Variants in CACNA1D observed in about 807,000 individuals in gnomAD.
CACNA1D encodes the protein calcium voltage-gated channel subunit alpha1 D, also known as voltage-dependent L-type calcium channel subunit alpha-1D.
Under a neutral mutation model 257.1 loss-of-function variants are expected in CACNA1D, and 55 were observed. The ratio of observed to expected loss-of-function variants is 0.21; its 90% CI spans 0.17 to 0.27. The LOEUF (loss-of-function observed/expected upper bound fraction) is 0.27, where lower values mean the gene tolerates loss of function less well. Ranked by LOEUF, CACNA1D falls within the 10% of genes least tolerant of loss-of-function variation. CACNA1D has a pLI of 1.00. For missense variants in CACNA1D, 1,876 were observed against 2,784.0 expected, an observed-to-expected ratio of 0.67 and a Z score of 7.34; for synonymous variants, 980 against 1,014.9, an observed-to-expected ratio of 0.97 and a Z score of 0.65.
chr3:53,774,710 G>T lies in CACNA1D; in HGVS notation c.4202+32G>T. On this transcript the variant is annotated intron_variant, in intron 34 of 47. Transcript: ENST00000350061. This position sits in a 1 kb window ranked among gnomAD's most constrained non-coding sequence, Gnocchi z 4.3. ...GCAACTGGCTTGGGCGGTGCTCCTG[G>T]GCAGGGGGGTCCGCTAGGCGTGGGT... 2 of 1,320,064 alleles carry T rather than the reference G, an allele frequency of 1.5e-6. No homozygotes were observed. Among genetic ancestry groups the T allele is most frequent in the Non-Finnish European group, 1.1e-6 (1 of 911,598 alleles). 81.8% of individuals were successfully genotyped at this position (1,320,064 alleles called of 1,614,324 possible).
chr3:53,595,668 C>T (rs770808268), intron 3 of CACNA1D, among the ~76,000 whole-genome samples: 1 of 152,174 alleles, frequency 6.6e-6, no homozygotes, highest in African/African-American at 2.4e-5. Flanking sequence ...ACCCTGGTTT[C>T]TACTGACACC....
intron 3 of CACNA1D, among the ~76,000 whole-genome samples, chr3:53,572,625 C>T (rs1314622065): frequency 6.6e-6 from 1 of 152,124 alleles, no homozygotes; most frequent in Non-Finnish European, 1.5e-5. Flanking sequence ...GTCTCGAACT[C>T]ATAAGCTGAA....
At chr3:53,720,938 C>T (rs1196949393) in intron 11 of CACNA1D, among the ~76,000 whole-genome samples, 1 of 152,222 alleles carries the variant, frequency 6.6e-6, no homozygotes, top group African/African-American at 2.4e-5. Flanking sequence ...TATATGCCTA[C>T]ATACAAAGTT....
rs1303050391 is a variant in CACNA1D at position 53,803,423 on chromosome 3, G to A, written c.5436G>A (p.Arg1812=). The change falls in exon 44 of 48, where the codon AGG becomes AGA. Residue 1812 remains arginine (R), a splice_region_variant and synonymous_variant. Coordinates refer to ENST00000350061, the MANE Select transcript of CACNA1D (RefSeq NM_001128840.3). ...CTCAGATCCTCTCTCCCAACTGCAG[G>A]TCCGACTCAGGAGATGAACAGCTCC... The part of the protein sequence containing the change: ...KRTRYYETYI[R]SDSGDEQLPT... The A allele has an allele frequency of 5.0e-6, 8 of 1,614,094 alleles. No individual in the cohort carries two copies. The East Asian group carries it at 6.7e-5, about 13-fold the overall frequency.
intron 5 of CACNA1D, among the ~76,000 whole-genome samples, chr3:53,664,182 A>G (rs80207069): frequency 0.058 from 8,818 of 152,162 alleles, 844 homozygotes; most frequent in African/African-American, 0.2. Context: ...AGTCAGTCTC[A>G]ACCTCCCCCT....
At chr3:53,589,560 G>C (rs2093272521) in intron 3 of CACNA1D, among the ~76,000 whole-genome samples, 1 of 152,170 alleles carries the variant, frequency 6.6e-6, no homozygotes, top group Admixed American at 6.5e-5. Flanking sequence ...CCGCCACCCA[G>C]ATGTCCCCTG....
chr3:53,696,708 G>A (rs9841978), intron 8 of CACNA1D, among the ~76,000 whole-genome samples: 53,644 of 152,104 alleles, frequency 0.35, 9,775 homozygotes, highest in African/African-American at 0.45. Context: ...GGCTGCCCAG[G>A]TGGATGGAAT....
chr3:53,550,112 G>A (rs2092499865), intron 3 of CACNA1D, among the ~76,000 whole-genome samples: 2 of 152,112 alleles, frequency 1.3e-5, no homozygotes, highest in Non-Finnish European at 2.9e-5. Flanking sequence ...TCCCCACGTT[G>A]GCTCCCATGG....
chr3:53,518,515 T>C (rs2091431660), intron 3 of CACNA1D, among the ~76,000 whole-genome samples: 1 of 152,192 alleles, frequency 6.6e-6, no homozygotes, highest in African/African-American at 2.4e-5. Context: ...GATTGCTTAA[T>C]GAAGATATCA....
At chr3:53,737,222 G>A (rs1295448371) in intron 20 of CACNA1D, among the ~76,000 whole-genome samples, 5 of 152,122 alleles carry the variant, frequency 3.3e-5, no homozygotes, top group African/African-American at 7.2e-5. Context: ...AGTGAGCTGA[G>A]ATCGCACCAC....
At chr3:53,593,235 C>G (rs1276247862) in intron 3 of CACNA1D, among the ~76,000 whole-genome samples, 3 of 152,174 alleles carry the variant, frequency 2.0e-5, no homozygotes, top group African/African-American at 7.2e-5. Flanking sequence ...ATTATAAAAT[C>G]TGATGGCCAC....
intron 5 of CACNA1D, among the ~76,000 whole-genome samples, chr3:53,661,946 T>C (rs1054416274): frequency 2.6e-5 from 4 of 152,244 alleles, no homozygotes; most frequent in Admixed American, 2.0e-4. Context: ...TTTGAGCTTA[T>C]ATTTTTAACC....
intron 9 of CACNA1D, among the ~76,000 whole-genome samples, chr3:53,708,920 T>C (rs1338257261): frequency 1.3e-5 from 2 of 152,230 alleles, no homozygotes. Context: ...CTGAACCATG[T>C]ACCACAGATA....
intron 3 of CACNA1D, among the ~76,000 whole-genome samples, chr3:53,592,198 T>C (rs2107812269): frequency 6.6e-6 from 1 of 152,334 alleles, no homozygotes; most frequent in East Asian, 1.9e-4. Flanking sequence ...GTGCTTCGAT[T>C]CTAGCAGGGA....
chr3:53,715,329 A>C (rs1302692670), intron 9 of CACNA1D, among the ~76,000 whole-genome samples: 1 of 152,130 alleles, frequency 6.6e-6, no homozygotes, highest in Non-Finnish European at 1.5e-5. Context: ...TCAAACAACT[A>C]TGACAGGAGA....
At chr3:53,586,112 G>A (rs1037062982) in intron 3 of CACNA1D, among the ~76,000 whole-genome samples, 1 of 152,216 alleles carries the variant, frequency 6.6e-6, no homozygotes, top group African/African-American at 2.4e-5. Flanking sequence ...TCTGGAAAAT[G>A]TTGGAAAGTG....
rs76956377 is a variant in CACNA1D, at chr3:53,795,160, T to C, written c.4924-5089T>C. ...GAATCAGGGCAGGATAGAAAGTGTT[T>C]TTAAAAATCAGCTCCCCTAAGTGCA... On this transcript the variant is annotated intron_variant, in intron 40 of 47. Coordinates refer to ENST00000350061, the MANE Select transcript of CACNA1D (RefSeq NM_001128840.3). 5.2e-3 allele frequency among the ~76,000 whole-genome samples: 797 copies of C among 152,316 alleles called. 9 individuals carry two copies. The highest frequency in any genetic ancestry group is 0.018 in the African/African-American group (761 of 41,566).
At chr3:53,574,922 G>C (rs1380634687) in intron 3 of CACNA1D, among the ~76,000 whole-genome samples, 1 of 152,232 alleles carries the variant, frequency 6.6e-6, no homozygotes, top group Admixed American at 6.5e-5. Context: ...CTCATCACGT[G>C]AGTTGCCCTG....
chr3:53,800,155 C>A lies in CACNA1D; in HGVS notation c.4924-94C>A. ...TTGGCTTTTGGGGAAGCCTTCCTCC[C>A]CACCGCTGAATCAGGAAGGAGCAAA... On this transcript the variant is annotated intron_variant, in intron 40 of 47. Transcript: ENST00000350061. This position sits in a 1 kb window ranked among gnomAD's most constrained non-coding sequence, Gnocchi z 4.3. 1 of 892,022 alleles carries A rather than the reference C, an allele frequency of 1.1e-6. No individual in the cohort carries two copies. Among genetic ancestry groups the A allele is most frequent in the Non-Finnish European group, 1.9e-6 (1 of 522,202 alleles). The allele number at this position is 892,022 out of a possible 1,614,324, so 55.3% of individuals were successfully genotyped here. A position where few individuals can be genotyped will look rare whatever the true frequency, so the allele number is the denominator to read the frequency against.
Sources: gnomAD v4.1 joint callset for allele counts (sites outside exome capture counted in the v4.1 genomes callset) on GRCh38, gnomAD v4.1.1 for gene constraint, Gnocchi (gnomAD v3.1) non-coding constraint, MANE v1.5 for transcripts, NCBI Gene and HGNC (gene_info 2026-07-23, HGNC 2026-07-21) for gene names.